The following CATSPERT variants were observed in gnomAD, a reference collection of about 807,000 sequenced individuals.
CATSPERT encodes cation channel sperm-associated targeting subunit tau.
At chr2:201,602,722 C>T in the CATSPERT span, among the ~76,000 whole-genome samples, 1 of 152,092 alleles carries the variant, frequency 6.6e-6, no homozygotes, top group Non-Finnish European at 1.5e-5. Context: ...TCTGGGCTGG[C>T]TCTATGATTA....
the CATSPERT span, among the ~76,000 whole-genome samples, chr2:201,594,465 G>C: frequency 3.3e-5 from 5 of 152,188 alleles, no homozygotes; most frequent in Admixed American, 2.0e-4. Flanking sequence ...TCTTGGAGTT[G>C]CTCTTCTCAA....
the CATSPERT span, among the ~76,000 whole-genome samples, chr2:201,594,033 G>A: frequency 6.6e-6 from 1 of 152,060 alleles, no homozygotes; most frequent in Non-Finnish European, 1.5e-5. Context: ...GATGTTAGCT[G>A]GTTATTTTGC....
At chr2:201,534,645 A>C in the CATSPERT span, 1 of 984,888 alleles carries the variant, frequency 1.0e-6, no homozygotes, top group Non-Finnish European at 1.2e-6. Flanking sequence ...TATTTAAAAG[A>C]CCATTAATAC....
At chr2:201,527,918 A>G in the CATSPERT span, among the ~76,000 whole-genome samples, 2 of 152,004 alleles carry the variant, frequency 1.3e-5, no homozygotes, top group Non-Finnish European at 2.9e-5. Context: ...AGGACCTAAT[A>G]AAAACTAAAG....
At chr2:201,542,835 T>C in the CATSPERT span, among the ~76,000 whole-genome samples, 7 of 152,294 alleles carry the variant, frequency 4.6e-5, no homozygotes, top group African/African-American at 1.7e-4. Flanking sequence ...TCCTTTACTG[T>C]GTAGAAGCTT....
chr2:201,583,156 A>T, the CATSPERT span, among the ~76,000 whole-genome samples: 5 of 152,250 alleles, frequency 3.3e-5, no homozygotes, highest in Admixed American at 6.5e-5. Context: ...CTAGACCCTG[A>T]AGTTACATTT....
chr2:201,588,654 T>C, the CATSPERT span, among the ~76,000 whole-genome samples: 2 of 150,554 alleles, frequency 1.3e-5, no homozygotes, highest in Non-Finnish European at 1.5e-5. Flanking sequence ...TCAAAAACAA[T>C]GGATGTAAAT....
the CATSPERT span, among the ~76,000 whole-genome samples, chr2:201,560,360 T>C: frequency 1.5e-4 from 22 of 151,350 alleles, no homozygotes; most frequent in Non-Finnish European, 2.4e-4. Flanking sequence ...GAGGTGGAGG[T>C]TGCAGTGAGC....
the CATSPERT span, among the ~76,000 whole-genome samples, chr2:201,582,470 C>T: frequency 3.2e-4 from 48 of 152,146 alleles, no homozygotes; most frequent in Non-Finnish European, 2.6e-4. Flanking sequence ...TTATATCTAA[C>T]GGCAATTATC....
the CATSPERT span, chr2:201,565,600 C>T: frequency 1.1e-6 from 1 of 903,516 alleles, no homozygotes; most frequent in Non-Finnish European, 1.5e-6. Context: ...GAAACAACGG[C>T]ACCATAATGA....
chr2:201,487,422 G>T, the CATSPERT span: 1 of 591,210 alleles, frequency 1.7e-6, no homozygotes, highest in Non-Finnish European at 2.9e-6. Flanking sequence ...TACATCAAAT[G>T]TGTTTGTTTT....
At chr2:201,581,505 TATATATATATATATATATAA>T in the CATSPERT span, among the ~76,000 whole-genome samples, 18 of 100,738 alleles carry the variant, frequency 1.8e-4, 2 homozygotes, top group African/African-American at 7.5e-4. Context: ...TATATATATA[TATATATATATATATATATAA>T]AATATTCTGG....
chr2:201,492,921 G>C, the CATSPERT span: 2 of 1,536,450 alleles, frequency 1.3e-6, no homozygotes, highest in African/African-American at 1.4e-5. Flanking sequence ...CTGACTCTGA[G>C]AGTTCTTCTA....
chr2:201,583,398 T>C, the CATSPERT span, among the ~76,000 whole-genome samples: 4 of 152,064 alleles, frequency 2.6e-5, no homozygotes, highest in Non-Finnish European at 4.4e-5. Context: ...TAGAACGGAG[T>C]GTTGGGTCCC....
chr2:201,492,820 T>A, the CATSPERT span: 1 of 1,536,630 alleles, frequency 6.5e-7, no homozygotes, highest in Non-Finnish European at 8.7e-7. Context: ...TTTTGGTAAG[T>A]CCTCCTTGGT....
chr2:201,598,595 CT>C, the CATSPERT span, among the ~76,000 whole-genome samples: 153 of 146,024 alleles, frequency 1.0e-3, no homozygotes, highest in Non-Finnish European at 1.3e-3. Flanking sequence ...GCTCCAACCA[CT>C]TTTTTTTTTT....
the CATSPERT span, chr2:201,493,705 ATC>A: frequency 6.5e-7 from 1 of 1,537,280 alleles, no homozygotes; most frequent in African/African-American, 1.4e-5. Flanking sequence ...TTTCACTTCT[ATC>A]TCCAATTCTG....
the CATSPERT span, among the ~76,000 whole-genome samples, chr2:201,499,688 A>T: frequency 6.6e-6 from 1 of 151,858 alleles, no homozygotes; most frequent in East Asian, 1.9e-4. Flanking sequence ...ACAAAAAATT[A>T]GCCAGGTGTG....
the CATSPERT span, chr2:201,618,887 C>T: frequency 6.2e-7 from 1 of 1,612,828 alleles, no homozygotes; most frequent in Non-Finnish European, 8.5e-7. Flanking sequence ...CGGCCAGGCC[C>T]CCGCTCACTC....
Sources: gnomAD v4.1 joint callset for allele counts (sites outside exome capture counted in the v4.1 genomes callset) on GRCh38, gnomAD v4.1.1 for gene constraint, MANE v1.5 for transcripts, NCBI Gene and HGNC (gene_info 2026-07-23, HGNC 2026-07-21) for gene names.